The following ODAD2 variants were observed in gnomAD, a reference collection of about 807,000 sequenced individuals.
ODAD2 encodes the protein outer dynein arm-docking complex subunit 2.
ODAD2 carries 89 observed loss-of-function variants against 106.8 expected under a neutral mutation model. The ratio of observed to expected loss-of-function variants is 0.83; its 90% CI spans 0.70 to 0.99. The LOEUF is 0.99. Ranked by LOEUF, ODAD2 falls within the 50% of genes least tolerant of loss-of-function variation. The pLI is 0.00. For missense variants in ODAD2, 1,168 were observed against 1,238.5 expected (o/e 0.94, Z 0.85); for synonymous variants, 404 against 436.2 (o/e 0.93, Z 0.92).
intron 10 of ODAD2, among the ~76,000 whole-genome samples, chr10:27,945,651 C>T (rs142893680): frequency 3.9e-5 from 6 of 152,150 alleles, no homozygotes; most frequent in African/African-American, 9.6e-5. Context: ...AAACAAAACC[C>T]AAAAGATTAA....
chr10:27,949,939 C>T (rs1307416242), intron 10 of ODAD2, among the ~76,000 whole-genome samples: 1 of 151,986 alleles, frequency 6.6e-6, no homozygotes, highest in East Asian at 1.9e-4. Context: ...TTGGGCAACA[C>T]GCTTGCAGGG....
chr10:27,872,024 T>G (rs1235635570), intron 17 of ODAD2, among the ~76,000 whole-genome samples: 1 of 152,240 alleles, frequency 6.6e-6, no homozygotes, highest in African/African-American at 2.4e-5. Context: ...TGTCCTCTTT[T>G]ATTTCGCTGA....
chr10:27,874,498 G>T (rs1841167403), intron 17 of ODAD2, among the ~76,000 whole-genome samples: 1 of 152,174 alleles, frequency 6.6e-6, no homozygotes, highest in Non-Finnish European at 1.5e-5. Flanking sequence ...GGTACCAGCT[G>T]TTCCTTTCCA....
At chr10:27,836,134 C>A in intron 19 of ODAD2, 1 of 152,610 alleles carries the variant, frequency 6.6e-6, no homozygotes, top group South Asian at 1.9e-4. Flanking sequence ...CCATGCACTT[C>A]AAACTCATGC....
At chr10:27,890,284 C>A (rs1370104267) in intron 17 of ODAD2, among the ~76,000 whole-genome samples, 1 of 152,130 alleles carries the variant, frequency 6.6e-6, no homozygotes, top group Non-Finnish European at 1.5e-5. Context: ...TTTGACATGG[C>A]ACAGTTTCTG....
chr10:27,996,239 A>G (rs1361398033), intron 1 of ODAD2, among the ~76,000 whole-genome samples: 1 of 152,208 alleles, frequency 6.6e-6, no homozygotes, highest in African/African-American at 2.4e-5. Context: ...ACGGTTAAAT[A>G]TAGAATAAAA....
At chr10:27,992,161 C>A (rs1368762594) in intron 2 of ODAD2, among the ~76,000 whole-genome samples, 1 of 152,164 alleles carries the variant, frequency 6.6e-6, no homozygotes, top group Non-Finnish European at 1.5e-5. Flanking sequence ...CTTCAAGGCA[C>A]TCTTGGTTTT....
intron 16 of ODAD2, among the ~76,000 whole-genome samples, chr10:27,932,286 G>A (rs1293811685): frequency 6.6e-6 from 1 of 152,048 alleles, no homozygotes; most frequent in Non-Finnish European, 1.5e-5. Flanking sequence ...ATACTAAAGT[G>A]TTGAAATCTC....
At chr10:27,871,623 C>T (rs1369263228) in intron 17 of ODAD2, among the ~76,000 whole-genome samples, 1 of 152,170 alleles carries the variant, frequency 6.6e-6, no homozygotes, top group Non-Finnish European at 1.5e-5. Context: ...ATCCTTTCCC[C>T]ATTTCCTATT....
intron 10 of ODAD2, among the ~76,000 whole-genome samples, chr10:27,947,061 A>C (rs544916316): frequency 6.6e-6 from 1 of 152,148 alleles, no homozygotes; most frequent in African/African-American, 2.4e-5. Flanking sequence ...TAATTTTACT[A>C]TTTACTAATA....
intron 2 of ODAD2, 21 bp from the exon 3 acceptor site, chr10:27,987,564 A>T (rs1336376424): frequency 5.7e-6 from 9 of 1,584,062 alleles, no homozygotes; most frequent in Non-Finnish European, 6.9e-6. Context: ...AAAATAAAAA[A>T]TTGAAAGCTT....
At chr10:27,933,989 C>T (rs778915890) in intron 16 of ODAD2, among the ~76,000 whole-genome samples, 16 of 152,222 alleles carry the variant, frequency 1.1e-4, no homozygotes, top group Admixed American at 3.3e-4. Context: ...GGGAGAGACC[C>T]GGTGGGAGTT....
At chr10:27,933,229 G>A (rs1845730111) in intron 16 of ODAD2, among the ~76,000 whole-genome samples, 1 of 152,172 alleles carries the variant, frequency 6.6e-6, no homozygotes, top group South Asian at 2.1e-4. Context: ...CAGCCTGGGT[G>A]ACAGCCTGAG....
chr10:27,846,274 C>A (rs975193309), intron 19 of ODAD2, among the ~76,000 whole-genome samples: 7 of 151,984 alleles, frequency 4.6e-5, no homozygotes, highest in Non-Finnish European at 7.4e-5. Flanking sequence ...GAAACTCACT[C>A]AAAACCGCTC....
chr10:27,926,082 A>T (rs190209299), intron 16 of ODAD2, among the ~76,000 whole-genome samples: 1 of 151,988 alleles, frequency 6.6e-6, no homozygotes, highest in East Asian at 1.9e-4. Flanking sequence ...AAAGAGCTAG[A>T]TATTATTTTA....
chr10:27,985,212 C>T lies in ODAD2; in HGVS notation c.383-1G>A. On this transcript the variant is annotated splice_acceptor_variant, in intron 3 of 19. Transcript: ENST00000305242. LOFTEE classifies it high-confidence loss of function. ...ATTTTTACTATGGGGTCTCTGTTAG[C>T]TGCCAAAAAAAAAAAAAAGGAGACA... 1.4e-6 allele frequency: 2 copies of T among 1,460,106 alleles called. No homozygotes were observed. Among genetic ancestry groups the T allele is most frequent in the Non-Finnish European group, 1.8e-6 (2 of 1,111,226 alleles). The allele number at this position is 1,460,106 out of a possible 1,614,324, so 90.4% of individuals were successfully genotyped here.
intron 14 of ODAD2, 56 bp downstream of exon 14, chr10:27,939,841 C>T: frequency 9.7e-7 from 1 of 1,036,044 alleles, no homozygotes; most frequent in Non-Finnish European, 1.4e-6. Context: ...GGTTAGAAAA[C>T]TACCTTAAAC....
intron 17 of ODAD2, among the ~76,000 whole-genome samples, chr10:27,897,717 C>T (rs1300591232): frequency 6.6e-6 from 1 of 152,090 alleles, no homozygotes; most frequent in Admixed American, 6.6e-5. Context: ...CAAGAGAGGG[C>T]AGTTCCTGGT....
intron 10 of ODAD2, among the ~76,000 whole-genome samples, chr10:27,951,595 A>G (rs1847329932): frequency 1.3e-5 from 2 of 152,084 alleles, no homozygotes; most frequent in Admixed American, 1.3e-4. Context: ...TTATACATAA[A>G]GTGAATTCCA....
Sources: allele counts gnomAD v4.1 joint callset (sites outside exome capture counted in the v4.1 genomes callset), GRCh38; gene constraint gnomAD v4.1.1; transcripts MANE v1.5; gene names NCBI Gene and HGNC (gene_info 2026-07-23, HGNC 2026-07-21).